The following PPP1R9A variants were observed in gnomAD, a reference collection of about 807,000 sequenced individuals.
PPP1R9A encodes protein phosphatase 1 regulatory subunit 9A, also known as neurabin-1.
In PPP1R9A, 59 loss-of-function variants were observed where a neutral mutation model predicts 141.9. That is an observed-to-expected ratio of 0.42 (90% CI 0.34 to 0.52). The LOEUF is 0.52. Among genes scored for constraint, PPP1R9A ranks in the 20% least tolerant of loss-of-function variants. The probability of loss-of-function intolerance (pLI) is 0.10; values close to 1 mark genes in which losing one functional copy is unlikely to be tolerated. For missense variants in PPP1R9A, 1,444 were observed against 1,611.9 expected, an observed-to-expected ratio of 0.90 and a Z score of 1.78; for synonymous variants, 500 against 569.7, an observed-to-expected ratio of 0.88 and a Z score of 1.74.
intron 5 of PPP1R9A, among the ~76,000 whole-genome samples, chr7:95,162,641 T>C (rs1830614580): frequency 6.6e-6 from 1 of 152,206 alleles, no homozygotes; most frequent in South Asian, 2.1e-4. Flanking sequence ...CATATACTTT[T>C]CCATACATCT....
intron 12 of PPP1R9A, among the ~76,000 whole-genome samples, chr7:95,263,709 C>T (rs111549318): frequency 1.3e-5 from 2 of 152,244 alleles, no homozygotes; most frequent in African/African-American, 4.8e-5. Context: ...GCCACTGTAC[C>T]CGGCCTCTTT....
intron 2 of PPP1R9A, among the ~76,000 whole-genome samples, chr7:95,040,582 C>A (rs550501007): frequency 6.6e-6 from 1 of 151,944 alleles, no homozygotes; most frequent in Non-Finnish European, 1.5e-5. Flanking sequence ...TGTTATTTTC[C>A]TCTCGTTTCT....
At chr7:95,270,320 T>C (rs1801973587) in intron 14 of PPP1R9A, among the ~76,000 whole-genome samples, 1 of 152,172 alleles carries the variant, frequency 6.6e-6, no homozygotes, top group Non-Finnish European at 1.5e-5. Context: ...GTGTTATACC[T>C]TTACTTTTGG....
chr7:95,227,853 C>G (rs1434497757), intron 8 of PPP1R9A, among the ~76,000 whole-genome samples: 1 of 152,158 alleles, frequency 6.6e-6, no homozygotes, highest in South Asian at 2.1e-4. Context: ...AATATCACAT[C>G]GTTCCACTTA....
Position 95,276,091 on chromosome 7 carries a change from G to A in PPP1R9A, c.3296+1923G>A, listed in dbSNP as rs527577877. Among the ~76,000 whole-genome samples, 36 of 152,220 alleles carry A rather than the reference G, an allele frequency of 2.4e-4. No individual in the cohort carries two copies. The South Asian group carries it at 5.8e-3, about 25-fold the overall frequency. On this transcript the variant is annotated intron_variant, in intron 16 of 19. Transcript: ENST00000433360. The stretch of plus-strand genomic sequence containing the variant: ...ATGGAAAAAAACAAATAATGAAACC[G>A]TTTAGGGGAGAAAGAGATGCATAAA...
intron 2 of PPP1R9A, among the ~76,000 whole-genome samples, chr7:95,070,609 A>ATATATATATATATATATG (rs1563193480): frequency 1.5e-5 from 2 of 129,156 alleles, no homozygotes; most frequent in African/African-American, 5.4e-5. Flanking sequence ...ATATATATAT[A>ATATATATATATATATATG]TACACACACA....
At chr7:94,921,352 C>A (rs1014584048) in intron 2 of PPP1R9A, among the ~76,000 whole-genome samples, 1 of 150,896 alleles carries the variant, frequency 6.6e-6, no homozygotes, top group African/African-American at 2.4e-5. Flanking sequence ...GAGGCTGAGG[C>A]AGGAGAATGG....
intron 2 of PPP1R9A, among the ~76,000 whole-genome samples, chr7:94,995,500 A>T (rs917539859): frequency 3.3e-5 from 5 of 150,314 alleles, no homozygotes; most frequent in Non-Finnish European, 5.9e-5. Flanking sequence ...TTTATTATAA[A>T]TTTTTTTTTC....
chr7:95,053,873 A>G (rs776808948), intron 2 of PPP1R9A, among the ~76,000 whole-genome samples: 1 of 152,190 alleles, frequency 6.6e-6, no homozygotes, highest in African/African-American at 2.4e-5. Flanking sequence ...AAAATTCATT[A>G]TACATTGCTC....
chr7:95,105,105 T>A (rs1030443286), intron 2 of PPP1R9A, among the ~76,000 whole-genome samples: 3 of 152,186 alleles, frequency 2.0e-5, no homozygotes, highest in South Asian at 2.1e-4. Context: ...TGTGGGAGAT[T>A]CCTTCCAGTC....
intron 2 of PPP1R9A, among the ~76,000 whole-genome samples, chr7:94,986,927 C>T (rs1382541912): frequency 6.6e-6 from 1 of 152,156 alleles, no homozygotes; most frequent in Admixed American, 6.5e-5. Context: ...TGCTCACCAG[C>T]CATATAGGAG....
chr7:94,911,591 A>C, intron 2 of PPP1R9A, 83 bp downstream of exon 2: 1 of 1,098,060 alleles, frequency 9.1e-7, no homozygotes, highest in East Asian at 2.5e-5. Flanking sequence ...CTTGACAACT[A>C]GTAGGAGTTT....
intron 2 of PPP1R9A, among the ~76,000 whole-genome samples, chr7:95,021,267 T>A (rs1805912209): frequency 6.6e-6 from 1 of 152,086 alleles, no homozygotes; most frequent in African/African-American, 2.4e-5. Flanking sequence ...CGCATAAATG[T>A]CTTCTTTTGA....
At chr7:95,108,302 CTTTTCTTTTTT>C (rs1819887723) in intron 2 of PPP1R9A, among the ~76,000 whole-genome samples, 1 of 68,760 alleles carries the variant, frequency 1.5e-5, no homozygotes, top group Non-Finnish European at 3.2e-5. Flanking sequence ...TTTTTCGTTT[CTTTTCTTTTTT>C]TTTTTTTTTT....
chr7:95,235,661 A>G (rs758397092), intron 8 of PPP1R9A, among the ~76,000 whole-genome samples: 5 of 151,924 alleles, frequency 3.3e-5, no homozygotes, highest in Non-Finnish European at 7.4e-5. Context: ...TCCAGTGGAA[A>G]AGAACTCATT....
At chr7:95,151,506 G>T (rs77535386) in intron 4 of PPP1R9A, among the ~76,000 whole-genome samples, 1,570 of 152,210 alleles carry the variant, frequency 0.01, 25 homozygotes, top group African/African-American at 0.036. Flanking sequence ...GATTTTTTTA[G>T]GGCAATGAAA....
chr7:94,933,540 T>C (rs1794417214), intron 2 of PPP1R9A, among the ~76,000 whole-genome samples: 1 of 152,174 alleles, frequency 6.6e-6, no homozygotes, highest in South Asian at 2.1e-4. Flanking sequence ...AATTACATGC[T>C]TCTAGTGCTA....
At position 94,950,406 on chromosome 7, in the gene PPP1R9A, G is replaced by A. The variant is rs935002505; in HGVS notation, c.1395+38898G>A. ...TTTGTCAATTTTTATAGTTTTATAC[G>A]TTTGGTATCATATAGGGCAAGTTTT... On this transcript the variant is annotated intron_variant, in intron 2 of 19. Transcript: ENST00000433360. Among the ~76,000 whole-genome samples, 67 of 151,852 alleles carry A rather than the reference G, an allele frequency of 4.4e-4. 1 individual carries two copies. The highest frequency in any genetic ancestry group is 3.0e-3 in the Admixed American group (45 of 15,220).
At chr7:94,972,790 T>C (rs1413964140) in intron 2 of PPP1R9A, among the ~76,000 whole-genome samples, 1 of 152,204 alleles carries the variant, frequency 6.6e-6, no homozygotes, top group Non-Finnish European at 1.5e-5. Flanking sequence ...TTAGGTGATC[T>C]GACTATTAAG....
Sources: gnomAD v4.1 joint callset for allele counts (sites outside exome capture counted in the v4.1 genomes callset) on GRCh38, gnomAD v4.1.1 for gene constraint, MANE v1.5 for transcripts, NCBI Gene and HGNC (gene_info 2026-07-23, HGNC 2026-07-21) for gene names.